Variants in LSP1 observed in about 807,000 individuals in gnomAD.
The protein encoded by LSP1 is lymphocyte specific protein 1.
LSP1 carries 32 observed loss-of-function variants against 49.3 expected under a neutral mutation model. That is an observed-to-expected ratio of 0.65 (90% confidence interval 0.49 to 0.87). LSP1 has a LOEUF of 0.87. LSP1 is among the 40% of genes least tolerant of loss of function. LSP1 has a pLI of 0.00. For synonymous variants in LSP1, 179 were observed against 178.8 expected, an observed-to-expected ratio of 1.00 and a Z score of -0.01; for missense variants, 428 against 442.6, an observed-to-expected ratio of 0.97 and a Z score of 0.30.
At chr11:1,880,489 C>T (rs1056684787) in intron 2 of LSP1, among the ~76,000 whole-genome samples, 14 of 152,104 alleles carry the variant, frequency 9.2e-5, no homozygotes, top group East Asian at 1.9e-4. Context: ...TTGCTCGGAC[C>T]GCCTCTGACC....
In LSP1 at chr11:1,884,432, A is replaced by C; in HGVS notation, c.636-68A>C. The C allele has an allele frequency of 6.2e-7, 1 of 1,603,460 alleles. No individual in the cohort carries two copies. Among genetic ancestry groups the C allele is most frequent in the South Asian group, 1.1e-5 (1 of 90,894 alleles). ...TCTGGAGACCGAGGGGGGCTCTGGG[A>C]GAGGCTTGGGCAGGTTGGGAGAAGC... On this transcript the variant is annotated intron_variant, in intron 6 of 10. Coordinates refer to ENST00000311604, the MANE Select transcript of LSP1 (RefSeq NM_002339.3). The surrounding 1 kb of genome is among the most constrained non-coding windows in gnomAD (Gnocchi z 4.1).
chr11:1,887,281 G>C lies in LSP1; in HGVS notation c.897G>C (p.Gln299His), dbSNP rs1321122730. Residue 299 changes from glutamine to histidine, a missense_variant, in exon 9 of 11, where the codon CAG becomes CAC. By Grantham distance (24) the Gln-to-His change is conservative. Coordinates refer to ENST00000311604, the MANE Select transcript of LSP1 (RefSeq NM_002339.3). ...TGAGCAAGAAAAGCCTCTGGGAGCA[G>C]AAGGGAGGCTCCAAGACCTCATCAA... ...GDMSKKSLWE[Q>H]KGGSKTSSTI... is the part of the protein sequence containing the mutation. 1.3e-6 allele frequency: 2 copies of C among 1,599,716 alleles called. No individual in the cohort carries two copies. The highest frequency in any genetic ancestry group is 1.7e-6 in the Non-Finnish European group (2 of 1,172,110).
Position 1,884,443 on chromosome 11 carries a change from C to G in LSP1, c.636-57C>G. ...AGGGGGGCTCTGGGAGAGGCTTGGG[C>G]AGGTTGGGAGAAGCCTTGTGGGAGA... On this transcript the variant is annotated intron_variant, in intron 6 of 10. Transcript: ENST00000311604. This position sits in a 1 kb window ranked among gnomAD's most constrained non-coding sequence, Gnocchi z 4.1. The G allele has an allele frequency of 6.2e-7, 1 of 1,601,168 alleles. No individual in the cohort carries two copies. The highest frequency in any genetic ancestry group is 1.3e-5 in the African/African-American group (1 of 74,674).
intron 1 of LSP1, among the ~76,000 whole-genome samples, chr11:1,862,015 G>GTGGA (rs1413110131): frequency 1.4e-5 from 2 of 146,366 alleles, no homozygotes; most frequent in Non-Finnish European, 3.0e-5. Context: ...GGATGGATGA[G>GTGGA]TGGATGGATG....
chr11:1,853,816 G>T (rs1418018361), intron 1 of LSP1, among the ~76,000 whole-genome samples: 2 of 152,110 alleles, frequency 1.3e-5, no homozygotes, highest in Non-Finnish European at 2.9e-5. Flanking sequence ...GGGACATGAG[G>T]GGGCATGGCA....
chr11:1,869,674 T>C (rs750981569), intron 1 of LSP1: 3 of 469,462 alleles, frequency 6.4e-6, no homozygotes, highest in East Asian at 7.0e-5. Context: ...AGACGGGCGG[T>C]AGGAGGAAGA....
intron 1 of LSP1, among the ~76,000 whole-genome samples, chr11:1,859,810 C>T (rs1245645002): frequency 6.6e-6 from 1 of 151,842 alleles, no homozygotes; most frequent in Non-Finnish European, 1.5e-5. Context: ...GAGGGCCACA[C>T]TGAACAGATG....
chr11:1,877,374 G>C (rs1430388328), intron 1 of LSP1, among the ~76,000 whole-genome samples: 1 of 152,152 alleles, frequency 6.6e-6, no homozygotes, highest in African/African-American at 2.4e-5. Flanking sequence ...GGGCTGGCCG[G>C]GCTTCTCCCC....
chr11:1,870,233 G>C, intron 1 of LSP1: 1 of 1,283,700 alleles, frequency 7.8e-7, no homozygotes, highest in Non-Finnish European at 1.0e-6. Context: ...GCCCACTGAA[G>C]CTGGTCCTTC....
intron 1 of LSP1, among the ~76,000 whole-genome samples, chr11:1,868,517 T>C (rs1400469066): frequency 1.3e-5 from 2 of 152,110 alleles, no homozygotes; most frequent in Non-Finnish European, 2.9e-5. Flanking sequence ...GCTCCTGATG[T>C]GGCCAGTGGG....
chr11:1,861,093 A>G (rs1244630755), intron 1 of LSP1, among the ~76,000 whole-genome samples: 1 of 152,198 alleles, frequency 6.6e-6, no homozygotes, highest in African/African-American at 2.4e-5. Flanking sequence ...TAAATCAGGA[A>G]TTTTGCACTC....
chr11:1,878,482 C>T (rs891242595), intron 1 of LSP1, among the ~76,000 whole-genome samples: 33 of 134,232 alleles, frequency 2.5e-4, no homozygotes, highest in Admixed American at 5.8e-4. Flanking sequence ...TTCGGGGGCG[C>T]GGGGGGCGGG....
At position 1,886,757 on chromosome 11, in the gene LSP1, C is replaced by G; in HGVS notation, c.743C>G (p.Ala248Gly). The G allele has an allele frequency of 6.2e-7, 1 of 1,610,922 alleles. No individual in the cohort carries two copies. The highest frequency in any genetic ancestry group is 8.5e-7 in the Non-Finnish European group (1 of 1,179,112). The change falls in exon 8 of 11, where the codon GCC becomes GGC. Residue 248 changes from alanine (A) to glycine (G), a missense_variant. Transcript: ENST00000311604. ...IETAGRTPKL[A>G]RQASIELPSM... ...ACCGCTGGCCGGACCCCCAAGCTAG[C>G]CCGCCAGGCCTCCATAGAGCTGCCC...
chr11:1,858,536 C>T (rs1157143181), intron 1 of LSP1, among the ~76,000 whole-genome samples: 1 of 152,192 alleles, frequency 6.6e-6, no homozygotes, highest in Non-Finnish European at 1.5e-5. Flanking sequence ...GATGGCAGCC[C>T]AGGACCATAA....
chr11:1,865,273 C>G (rs1847749476), intron 1 of LSP1: 1 of 983,882 alleles, frequency 1.0e-6, no homozygotes, highest in Admixed American at 6.2e-5. Context: ...GTAGGTCCCT[C>G]CTGCCCTGGC....
intron 1 of LSP1, among the ~76,000 whole-genome samples, chr11:1,878,469 G>A (rs552203183): frequency 3.9e-5 from 6 of 152,074 alleles, no homozygotes; most frequent in Non-Finnish European, 8.8e-5. Context: ...ACAGGCAGGC[G>A]GATTCGGGGG....
At chr11:1,853,307 C>A in intron 1 of LSP1, 110 bp downstream of exon 1, 1 of 1,201,826 alleles carries the variant, frequency 8.3e-7, no homozygotes, top group East Asian at 2.6e-5. Flanking sequence ...ATCTGGGGCC[C>A]CCAATGGGAG....
chr11:1,890,561 C>T, intron 10 of LSP1: 1 of 711,338 alleles, frequency 1.4e-6, no homozygotes, highest in Non-Finnish European at 2.6e-6. Context: ...CCTCGGGTGC[C>T]ATCGACGCAG....
intron 1 of LSP1, chr11:1,868,863 C>T (rs977311570): frequency 1.0e-6 from 1 of 985,832 alleles, no homozygotes; most frequent in African/African-American, 1.7e-5. Context: ...CAAGCGGCAG[C>T]CAGGGTGCCC....
Sources: gnomAD v4.1 joint callset for allele counts (sites outside exome capture counted in the v4.1 genomes callset) on GRCh38, gnomAD v4.1.1 for gene constraint, Gnocchi (gnomAD v3.1) non-coding constraint, MANE v1.5 for transcripts, NCBI Gene and HGNC (gene_info 2026-07-23, HGNC 2026-07-21) for gene names.